GALNTL5: variants seen among roughly 807,000 people sequenced by gnomAD.
The protein encoded by GALNTL5 is inactive polypeptide N-acetylgalactosaminyltransferase-like protein 5.
GALNTL5 carries 44 observed loss-of-function variants against 51.0 expected under a neutral mutation model. The observed-to-expected ratio is 0.86, with a 90% confidence interval of 0.68 to 1.11. The LOEUF is 1.11. GALNTL5 is among the 50% of genes least tolerant of loss of function. The pLI is 0.00. For synonymous variants in GALNTL5, 192 were observed against 182.8 expected (o/e 1.05, Z -0.41); for missense variants, 528 against 531.8 (o/e 0.99, Z 0.07).
intron 5 of GALNTL5, among the ~76,000 whole-genome samples, chr7:151,988,295 C>G (rs1708006735): frequency 6.6e-6 from 1 of 152,214 alleles, no homozygotes; most frequent in African/African-American, 2.4e-5. Context: ...CCAGGAGCAT[C>G]TGAGCAGCTT....
intron 4 of GALNTL5, among the ~76,000 whole-genome samples, chr7:151,986,435 G>A (rs1373949860): frequency 6.6e-6 from 1 of 152,142 alleles, no homozygotes; most frequent in Non-Finnish European, 1.5e-5. Flanking sequence ...AGGAGTGCAA[G>A]ACCAGCCTGG....
At chr7:151,991,441 A>G (rs978633267) in intron 5 of GALNTL5, among the ~76,000 whole-genome samples, 1 of 152,204 alleles carries the variant, frequency 6.6e-6, no homozygotes, top group African/African-American at 2.4e-5. Context: ...TGATTTTTAC[A>G]TTAAACTTTG....
intron 7 of GALNTL5, among the ~76,000 whole-genome samples, chr7:152,008,959 T>C (rs1019379594): frequency 6.6e-6 from 1 of 151,996 alleles, no homozygotes; most frequent in Admixed American, 6.6e-5. Flanking sequence ...AGTTGGAGAG[T>C]CAGTATATTC....
chr7:151,983,328 C>A (rs1038777081), intron 4 of GALNTL5, among the ~76,000 whole-genome samples, 176 bp downstream of exon 4: 6 of 152,096 alleles, frequency 3.9e-5, no homozygotes, highest in African/African-American at 1.4e-4. Context: ...CAGGTGCATG[C>A]CACCACGCCC....
At chr7:151,959,045 G>A (rs765323816) in intron 1 of GALNTL5, among the ~76,000 whole-genome samples, 6 of 152,180 alleles carry the variant, frequency 3.9e-5, no homozygotes, top group Non-Finnish European at 8.8e-5. Flanking sequence ...CATTGAGGAA[G>A]TTCTCACTCC....
intron 5 of GALNTL5, among the ~76,000 whole-genome samples, chr7:151,994,302 T>C (rs2081465370): frequency 6.6e-6 from 1 of 152,232 alleles, no homozygotes; most frequent in South Asian, 2.1e-4. Flanking sequence ...TTTATTCTTT[T>C]CTTTTTTTCT....
intron 8 of GALNTL5, among the ~76,000 whole-genome samples, chr7:152,015,091 TTC>T (rs1255862542): frequency 6.6e-6 from 1 of 152,066 alleles, no homozygotes; most frequent in African/African-American, 2.4e-5. Context: ...AGTTGTTCTT[TTC>T]TCTGTTTTTC....
At position 152,019,676 on chromosome 7, in the gene GALNTL5, A is replaced by C. The variant is rs1185592441; in HGVS notation, c.1207A>C (p.Lys403Gln). 6.2e-7 allele frequency: 1 copy of C among 1,613,320 alleles called. No homozygotes were observed. Among genetic ancestry groups the C allele is most frequent in the Non-Finnish European group, 8.5e-7 (1 of 1,179,610 alleles). Residue 403 changes from lysine (K) to glutamine (Q), a missense_variant, in exon 9 of 9, where the codon AAA (lysine) becomes CAA (glutamine). Transcript: ENST00000392800. ...GTTTTTTCTTCGAAAGCCTGGTCTGAAATATGTCACCTACGGAAATATTCG... is the reference window on the plus strand; with the variant it reads ...GTTTTTTCTTCGAAAGCCTGGTCTGCAATATGTCACCTACGGAAATATTCG... ...EQFFLRKPGL[K>Q]YVTYGNIRER...
intron 6 of GALNTL5, among the ~76,000 whole-genome samples, chr7:152,007,563 C>T (rs1259214030): frequency 2.0e-5 from 3 of 151,554 alleles, no homozygotes; most frequent in Admixed American, 1.3e-4. Context: ...GGACTACAGG[C>T]GCATGCCACC....
At chr7:151,979,361 G>A (rs562482702) in intron 3 of GALNTL5, among the ~76,000 whole-genome samples, 15 of 148,084 alleles carry the variant, frequency 1.0e-4, no homozygotes, top group African/African-American at 3.7e-4. Flanking sequence ...TGATCTGCCT[G>A]CCTCAGCCTC....
chr7:151,992,062 A>T (rs1198176967), intron 5 of GALNTL5, among the ~76,000 whole-genome samples: 2 of 152,144 alleles, frequency 1.3e-5, no homozygotes, highest in East Asian at 1.9e-4. Flanking sequence ...TTATATTTTT[A>T]AATTATTACT....
At chr7:152,009,229 T>C (rs967531747) in intron 7 of GALNTL5, among the ~76,000 whole-genome samples, 1 of 152,200 alleles carries the variant, frequency 6.6e-6, no homozygotes, top group African/African-American at 2.4e-5. Context: ...TGCACCTGCA[T>C]ACACCTCTTC....
Position 151,970,928 on chromosome 7 carries a change from A to G in GALNTL5, c.248-17A>G. 2 of 1,583,892 alleles carry G rather than the reference A, an allele frequency of 1.3e-6. No homozygotes were observed. The highest frequency in any genetic ancestry group is 2.3e-5 in the South Asian group (2 of 88,326). On this transcript the variant is annotated splice_polypyrimidine_tract_variant and intron_variant, in intron 2 of 8. Coordinates refer to ENST00000392800, the MANE Select transcript of GALNTL5 (RefSeq NM_145292.4). ...GTAAGCCTTTACTTATATGATTCTA[A>G]TTACATTTTCTTGCAGGTACAGATT...
At chr7:151,999,309 G>T (rs550296898) in intron 5 of GALNTL5, among the ~76,000 whole-genome samples, 1 of 152,150 alleles carries the variant, frequency 6.6e-6, no homozygotes, top group Non-Finnish European at 1.5e-5. Context: ...TTTGGCTGTT[G>T]TCAACAGTAC....
intron 6 of GALNTL5, among the ~76,000 whole-genome samples, chr7:152,007,387 G>A (rs955871894): frequency 6.0e-5 from 9 of 150,078 alleles, no homozygotes; most frequent in Non-Finnish European, 1.3e-4. Context: ...ATGTATAATA[G>A]GATAATTTTA....
At chr7:151,966,683 C>G (rs2081064900) in intron 1 of GALNTL5, among the ~76,000 whole-genome samples, 1 of 152,184 alleles carries the variant, frequency 6.6e-6, no homozygotes, top group Admixed American at 6.5e-5. Context: ...GGATATATCC[C>G]TAAGGATGGA....
chr7:152,015,973 T>C (rs911233060), intron 8 of GALNTL5, among the ~76,000 whole-genome samples: 18 of 152,218 alleles, frequency 1.2e-4, no homozygotes, highest in Non-Finnish European at 2.2e-4. Context: ...GTCTTCATCT[T>C]ATGTTTCTCT....
At chr7:151,980,768 T>C (rs11760367) in intron 3 of GALNTL5, among the ~76,000 whole-genome samples, 40,860 of 103,214 alleles carry the variant, frequency 0.4, 8,389 homozygotes, top group Middle Eastern at 0.57. Flanking sequence ...TTTTTTGAGA[T>C]GGAGTCTCGC....
At chr7:151,958,765 T>G (rs4424167) in intron 1 of GALNTL5, among the ~76,000 whole-genome samples, 34,001 of 152,064 alleles carry the variant, frequency 0.22, 4,378 homozygotes, top group African/African-American at 0.32. Flanking sequence ...CCCAGGTCCT[T>G]GTCCTGCGTC....
Sources: allele counts gnomAD v4.1 joint callset (sites outside exome capture counted in the v4.1 genomes callset), GRCh38; gene constraint gnomAD v4.1.1; transcripts MANE v1.5; gene names NCBI Gene and HGNC (gene_info 2026-07-23, HGNC 2026-07-21).